MACROD2: variants seen among roughly 807,000 people sequenced by gnomAD.
MACROD2 encodes the protein mono-ADP ribosylhydrolase 2, also known as ADP-ribose glycohydrolase MACROD2.
Under a neutral mutation model 70.4 loss-of-function variants are expected in MACROD2, and 36 were observed. That is an observed-to-expected ratio of 0.51 (90% CI 0.39 to 0.68). The LOEUF is 0.68. Ranked by LOEUF, MACROD2 falls within the 30% of genes least tolerant of loss-of-function variation. MACROD2 has a pLI of 0.00. For synonymous variants in MACROD2, 172 were observed against 178.8 expected (o/e 0.96, Z 0.30); for missense variants, 496 against 538.4 (o/e 0.92, Z 0.78).
At chr20:14,740,414 A>G (rs1269672520) in intron 5 of MACROD2, among the ~76,000 whole-genome samples, 2 of 152,038 alleles carry the variant, frequency 1.3e-5, no homozygotes, top group Non-Finnish European at 2.9e-5. Context: ...ATTGGAAAAC[A>G]TTTTTCCTAC....
chr20:15,991,260 C>T (rs545255892), intron 15 of MACROD2, among the ~76,000 whole-genome samples: 266 of 152,312 alleles, frequency 1.7e-3, no homozygotes, highest in Non-Finnish European at 3.1e-3. Flanking sequence ...CCTCTGGCTA[C>T]GATTTCATCT....
chr20:14,411,477 A>T (rs2083748519), intron 3 of MACROD2, among the ~76,000 whole-genome samples: 1 of 152,124 alleles, frequency 6.6e-6, no homozygotes, highest in Admixed American at 6.5e-5. Flanking sequence ...TTCCCACAGC[A>T]TTACTCCCAT....
intron 8 of MACROD2, among the ~76,000 whole-genome samples, chr20:15,597,652 G>C (rs2048763425): frequency 1.3e-5 from 2 of 152,170 alleles, no homozygotes; most frequent in African/African-American, 2.4e-5. Flanking sequence ...CAACAAAAAT[G>C]CTTCATAAAA....
chr20:14,825,577 T>C (rs796284203), intron 5 of MACROD2, among the ~76,000 whole-genome samples: 78 of 152,250 alleles, frequency 5.1e-4, no homozygotes, highest in African/African-American at 1.6e-3. Context: ...TTAAGCAGCA[T>C]CAAGATTGTT....
chr20:15,256,741 A>G (rs961416379), intron 6 of MACROD2, among the ~76,000 whole-genome samples: 1 of 152,062 alleles, frequency 6.6e-6, no homozygotes. Context: ...TTAACCACGG[A>G]ATTTTTAGTG....
At chr20:15,890,639 A>G (rs1424820004) in intron 10 of MACROD2, among the ~76,000 whole-genome samples, 1 of 152,172 alleles carries the variant, frequency 6.6e-6, no homozygotes, top group Non-Finnish European at 1.5e-5. Flanking sequence ...TAATAACCTT[A>G]GATGTGACTG....
intron 8 of MACROD2, among the ~76,000 whole-genome samples, chr20:15,743,398 A>G (rs1361829413): frequency 6.6e-6 from 1 of 152,202 alleles, no homozygotes; most frequent in Non-Finnish European, 1.5e-5. Context: ...CATGGAGGTT[A>G]CAGCTAGTTT....
intron 3 of MACROD2, among the ~76,000 whole-genome samples, chr20:14,389,723 T>C (rs1045215358): frequency 2.0e-5 from 3 of 152,188 alleles, no homozygotes; most frequent in African/African-American, 7.2e-5. Flanking sequence ...TACAATCTAT[T>C]AGTGTTAAAT....
At chr20:16,028,494 G>A (rs1336213706) in intron 15 of MACROD2, among the ~76,000 whole-genome samples, 1 of 152,038 alleles carries the variant, frequency 6.6e-6, no homozygotes, top group African/African-American at 2.4e-5. Flanking sequence ...GGCATATGGA[G>A]GCATATTATC....
chr20:15,605,896 T>G (rs2048886913), intron 8 of MACROD2, among the ~76,000 whole-genome samples: 1 of 152,322 alleles, frequency 6.6e-6, no homozygotes, highest in South Asian at 2.1e-4. Flanking sequence ...ATTTCTAAGT[T>G]ACAGGTAAAT....
intron 3 of MACROD2, among the ~76,000 whole-genome samples, chr20:14,132,429 T>C (rs909448171): frequency 1.3e-5 from 2 of 152,172 alleles, no homozygotes; most frequent in Non-Finnish European, 2.9e-5. Context: ...TAGGAGACTT[T>C]ATAGTTCTTT....
intron 5 of MACROD2, among the ~76,000 whole-genome samples, chr20:15,006,352 A>G (rs112692760): frequency 6.6e-6 from 1 of 152,044 alleles, no homozygotes; most frequent in African/African-American, 2.4e-5. Flanking sequence ...GGGTTGGGGC[A>G]GGGGAACGGG....
At chr20:14,249,650 T>TG in intron 3 of MACROD2, among the ~76,000 whole-genome samples, 1 of 152,278 alleles carries the variant, frequency 6.6e-6, no homozygotes, top group East Asian at 1.9e-4. Flanking sequence ...AGATCCTGAC[T>TG]GTTGTCATAT....
At chr20:14,287,966 T>C (rs879642567) in intron 3 of MACROD2, among the ~76,000 whole-genome samples, 4 of 152,134 alleles carry the variant, frequency 2.6e-5, no homozygotes, top group Admixed American at 2.6e-4. Flanking sequence ...AATGTAATCA[T>C]GTACACTGAT....
chr20:14,248,376 G>C (rs148150263), intron 3 of MACROD2, among the ~76,000 whole-genome samples: 7 of 152,294 alleles, frequency 4.6e-5, no homozygotes, highest in African/African-American at 1.7e-4. Context: ...CTGAGATCAA[G>C]AGTTCGAGAC....
chr20:14,417,081 CTATCTATCTAT>C (rs762401977), intron 3 of MACROD2, among the ~76,000 whole-genome samples: 1 of 70,400 alleles, frequency 1.4e-5, no homozygotes, highest in Non-Finnish European at 3.0e-5. Context: ...ATCTATCTAT[CTATCTATCTAT>C]CTATCTATCT....
intron 3 of MACROD2, among the ~76,000 whole-genome samples, chr20:14,185,210 T>C (rs2081335227): frequency 6.6e-6 from 1 of 152,108 alleles, no homozygotes; most frequent in Non-Finnish European, 1.5e-5. Flanking sequence ...ATAACTTTAG[T>C]ATCTAGAAAT....
chr20:15,814,969 T>C (rs2063857848), intron 8 of MACROD2, among the ~76,000 whole-genome samples: 1 of 144,596 alleles, frequency 6.9e-6, no homozygotes, highest in African/African-American at 2.6e-5. Flanking sequence ...AATGGCAGAA[T>C]ATGTAGTGTT....
At chr20:14,274,996 G>C (rs886896583) in intron 3 of MACROD2, among the ~76,000 whole-genome samples, 3 of 152,266 alleles carry the variant, frequency 2.0e-5, no homozygotes, top group African/African-American at 7.2e-5. Flanking sequence ...TGAAATAAAA[G>C]AGGATACAAA....
Sources: allele counts gnomAD v4.1 joint callset (sites outside exome capture counted in the v4.1 genomes callset), GRCh38; gene constraint gnomAD v4.1.1; transcripts MANE v1.5; gene names NCBI Gene and HGNC (gene_info 2026-07-23, HGNC 2026-07-21).